CCDC91: variants seen among roughly 807,000 people sequenced by gnomAD.
CCDC91 encodes the protein coiled-coil domain-containing protein 91.
In CCDC91, 48 loss-of-function variants were observed where a neutral mutation model predicts 63.2. The observed-to-expected ratio is 0.76, with a 90% CI of 0.60 to 0.97. CCDC91 has a LOEUF of 0.97. Ranked by LOEUF, CCDC91 falls within the 50% of genes least tolerant of loss-of-function variation. CCDC91 has a pLI of 0.00. For synonymous variants in CCDC91, 167 were observed against 165.8 expected (o/e 1.01, Z -0.06); for missense variants, 500 against 494.6 (o/e 1.01, Z -0.10).
intron 11 of CCDC91, among the ~76,000 whole-genome samples, chr12:28,471,971 G>A (rs530536297): frequency 6.6e-5 from 10 of 152,188 alleles, no homozygotes; most frequent in Admixed American, 3.3e-4. Flanking sequence ...GGCTGGTCTC[G>A]AACTCCTGCC....
chr12:28,404,580 A>C (rs1432183223), intron 8 of CCDC91, among the ~76,000 whole-genome samples: 1 of 152,036 alleles, frequency 6.6e-6, no homozygotes, highest in Admixed American at 6.6e-5. Flanking sequence ...ATTTCTGAGA[A>C]GTGGGGGCAA....
intron 8 of CCDC91, among the ~76,000 whole-genome samples, chr12:28,391,619 A>G (rs919950423): frequency 2.0e-5 from 3 of 152,204 alleles, no homozygotes; most frequent in African/African-American, 7.2e-5. Context: ...CCCCACATTA[A>G]TGATTATTCT....
At chr12:28,215,346 C>T (rs1234854531) in intron 1 of CCDC91, among the ~76,000 whole-genome samples, 2 of 152,244 alleles carry the variant, frequency 1.3e-5, no homozygotes, top group East Asian at 1.9e-4. Flanking sequence ...TAATGTTTCT[C>T]TCTTTATTTA....
At chr12:28,200,991 C>T (rs1430808877) in intron 1 of CCDC91, among the ~76,000 whole-genome samples, 5 of 129,572 alleles carry the variant, frequency 3.9e-5, no homozygotes, top group South Asian at 2.3e-4. Context: ...GGCGGCTGGC[C>T]GGGCGGGGGG....
At chr12:28,289,153 G>A (rs1219145548) in intron 3 of CCDC91, among the ~76,000 whole-genome samples, 1 of 150,706 alleles carries the variant, frequency 6.6e-6, no homozygotes, top group Non-Finnish European at 1.5e-5. Flanking sequence ...TTGATCTTTT[G>A]AATTTTTTTT....
At chr12:28,227,844 A>G (rs1261000803) in intron 1 of CCDC91, among the ~76,000 whole-genome samples, 2 of 152,014 alleles carry the variant, frequency 1.3e-5, no homozygotes, top group Non-Finnish European at 2.9e-5. Context: ...TTCTTCAATG[A>G]GTTCTGTGTT....
At chr12:28,338,417 C>T (rs185403472) in intron 6 of CCDC91, among the ~76,000 whole-genome samples, 9 of 151,852 alleles carry the variant, frequency 5.9e-5, no homozygotes, top group East Asian at 1.9e-4. Context: ...GTGCTTCACC[C>T]GTGAATCTTG....
intron 8 of CCDC91, among the ~76,000 whole-genome samples, chr12:28,447,106 A>G (rs375589169): frequency 2.6e-5 from 4 of 152,328 alleles, no homozygotes; most frequent in East Asian, 1.9e-4. Flanking sequence ...CAGCCTGTTA[A>G]TATGGTTTCT....
rs1047399724 is a variant in CCDC91, at chr12:28,268,600, C to T, written c.109+9158C>T. 3.2e-6 allele frequency: 3 copies of T among 951,330 alleles called. No homozygotes were observed. In the African/African-American group the frequency reaches 5.3e-5, roughly 17 times the overall value. The allele number at this position is 951,330 out of a possible 1,614,324, so 58.9% of individuals were successfully genotyped here. On this transcript the variant is annotated intron_variant, in intron 3 of 12. Coordinates refer to ENST00000536442, the MANE Select transcript of CCDC91 (RefSeq NM_018318.5). ...TCTCCCCTTTGGTTCTGGAATTCTT[C>T]TTGTTCGTTAGAATGAGGGCTCCAT...
chr12:28,459,647 A>G (rs1285980440), intron 11 of CCDC91, among the ~76,000 whole-genome samples: 2 of 152,152 alleles, frequency 1.3e-5, no homozygotes, highest in East Asian at 3.9e-4. Flanking sequence ...ATACTCTGAG[A>G]GGTCAAGGAT....
At chr12:28,448,703 A>T (rs1949655591) in intron 8 of CCDC91, among the ~76,000 whole-genome samples, 1 of 152,022 alleles carries the variant, frequency 6.6e-6, no homozygotes, top group Non-Finnish European at 1.5e-5. Flanking sequence ...TAACTCCAAA[A>T]ATTTTATTCT....
chr12:28,278,332 G>A (rs1948382271), intron 3 of CCDC91, among the ~76,000 whole-genome samples: 1 of 151,658 alleles, frequency 6.6e-6, no homozygotes, highest in Non-Finnish European at 1.5e-5. Context: ...TGTTTTTAGG[G>A]TTTTGTCCTT....
intron 6 of CCDC91, among the ~76,000 whole-genome samples, chr12:28,325,810 G>A (rs1247871467): frequency 1.3e-5 from 2 of 151,932 alleles, no homozygotes; most frequent in East Asian, 1.9e-4. Context: ...CAAGGGGGTG[G>A]GGAGGGCTTA....
intron 6 of CCDC91, among the ~76,000 whole-genome samples, chr12:28,309,419 G>A (rs568972406): frequency 6.6e-6 from 1 of 152,128 alleles, no homozygotes; most frequent in East Asian, 1.9e-4. Context: ...ATATTAACAA[G>A]TTTTATCTCT....
intron 11 of CCDC91, among the ~76,000 whole-genome samples, chr12:28,469,962 C>T (rs1237113608): frequency 6.6e-6 from 1 of 152,110 alleles, no homozygotes; most frequent in African/African-American, 2.4e-5. Flanking sequence ...AAATCTAAGA[C>T]CTCAAACTAT....
chr12:28,348,873 G>A (rs1255045873), intron 6 of CCDC91, among the ~76,000 whole-genome samples: 3 of 151,886 alleles, frequency 2.0e-5, no homozygotes, highest in African/African-American at 4.8e-5. Context: ...ACAGGTGTGC[G>A]CCACCGTGTC....
At chr12:28,488,886 ATTCTATAGCAGAAG>A (rs1292295197) in intron 12 of CCDC91, among the ~76,000 whole-genome samples, 1 of 151,922 alleles carries the variant, frequency 6.6e-6, no homozygotes, top group Non-Finnish European at 1.5e-5. Context: ...ATCACTGTAA[ATTCTATAGCAGAAG>A]TTGCAAACTG....
chr12:28,312,579 G>A (rs1939434091), intron 6 of CCDC91, among the ~76,000 whole-genome samples: 1 of 152,028 alleles, frequency 6.6e-6, no homozygotes, highest in South Asian at 2.1e-4. Context: ...AGTGTCAAAG[G>A]AGGCTACTGT....
At chr12:28,404,574 C>T (rs1173527102) in intron 8 of CCDC91, among the ~76,000 whole-genome samples, 1 of 151,948 alleles carries the variant, frequency 6.6e-6, no homozygotes, top group Non-Finnish European at 1.5e-5. Context: ...AGATCTATTT[C>T]TGAGAAGTGG....
Sources: gnomAD v4.1 joint callset for allele counts (sites outside exome capture counted in the v4.1 genomes callset) on GRCh38, gnomAD v4.1.1 for gene constraint, MANE v1.5 for transcripts, NCBI Gene and HGNC (gene_info 2026-07-23, HGNC 2026-07-21) for gene names.